The following MRTFB variants were observed in gnomAD, a reference collection of about 807,000 sequenced individuals.
The protein encoded by MRTFB is myocardin related transcription factor B.
Under a neutral mutation model 104.2 loss-of-function variants are expected in MRTFB, and 29 were observed. That is an observed-to-expected ratio of 0.28 (90% CI 0.21 to 0.38). The LOEUF (loss-of-function observed/expected upper bound fraction) is 0.38, where lower values mean the gene tolerates loss of function less well. Ranked by LOEUF, MRTFB falls within the 10% of genes least tolerant of loss-of-function variation. The probability of loss-of-function intolerance (pLI) is 1.00; values close to 1 mark genes in which losing one functional copy is unlikely to be tolerated. For synonymous variants in MRTFB, 535 were observed against 519.5 expected (o/e 1.03, Z -0.41); for missense variants, 1,270 against 1,341.6 (o/e 0.95, Z 0.83).
At chr16:14,053,394 C>T in the MRTFB span, among the ~76,000 whole-genome samples, 1 of 152,044 alleles carries the variant, frequency 6.6e-6, no homozygotes, top group Non-Finnish European at 1.5e-5. Flanking sequence ...ATTGATGTAG[C>T]CGAGGCAACA....
intron 2 of MRTFB, among the ~76,000 whole-genome samples, chr16:14,091,381 T>G (rs1317349591): frequency 6.6e-6 from 1 of 152,112 alleles, no homozygotes; most frequent in Non-Finnish European, 1.5e-5. Flanking sequence ...CCAGCACAAT[T>G]TCAGGGACCT....
At chr16:14,171,426 CAG>C (rs2039419169) in intron 3 of MRTFB, among the ~76,000 whole-genome samples, 1 of 151,424 alleles carries the variant, frequency 6.6e-6, no homozygotes, top group Non-Finnish European at 1.5e-5. Flanking sequence ...ACGTGGGAGA[CAG>C]AGGTTGCAGT....
chr16:14,108,445 C>T (rs1252674803), intron 2 of MRTFB, among the ~76,000 whole-genome samples: 1 of 152,180 alleles, frequency 6.6e-6, no homozygotes, highest in African/African-American at 2.4e-5. Flanking sequence ...ATAGTGGTAA[C>T]ATACTGAATT....
chr16:14,159,887 G>A (rs1462517505), intron 3 of MRTFB, among the ~76,000 whole-genome samples: 5 of 128,036 alleles, frequency 3.9e-5, no homozygotes, highest in South Asian at 2.5e-4. Context: ...CCGAGATCCC[G>A]CCACTGCACT....
chr16:14,243,795 C>G (rs979036710), intron 10 of MRTFB, among the ~76,000 whole-genome samples: 3 of 151,874 alleles, frequency 2.0e-5, no homozygotes, highest in Non-Finnish European at 2.9e-5. Flanking sequence ...ACCCCAAAAG[C>G]CCCCTTTGTC....
At chr16:14,170,585 C>T (rs2039391670) in intron 3 of MRTFB, 1 of 152,086 alleles carries the variant, frequency 6.6e-6, no homozygotes, top group African/African-American at 2.4e-5. Context: ...TAGATCATGC[C>T]TAGAATTTAC....
At chr16:14,056,810 A>C in the MRTFB span, among the ~76,000 whole-genome samples, 1 of 152,138 alleles carries the variant, frequency 6.6e-6, no homozygotes, top group East Asian at 1.9e-4. Context: ...CTGTCCACCT[A>C]TACCTATCTC....
rs182464511 is a variant in MRTFB at position 14,146,734 on chromosome 16, C to G, written c.154+5974C>G. ...TCACTTTGAAAGCATTTCCCTGCTT[C>G]TCATTAACCTGCTAGGCTTACTGTC... On this transcript the variant is annotated intron_variant, in intron 3 of 16. Transcript: ENST00000571589. Among the ~76,000 whole-genome samples, 200 of 152,260 alleles carry G rather than the reference C, an allele frequency of 1.3e-3. 2 individuals are homozygous for G. Among genetic ancestry groups the G allele is most frequent in the African/African-American group, 4.4e-3 (182 of 41,550 alleles).
the MRTFB span, among the ~76,000 whole-genome samples, chr16:13,994,917 G>A: frequency 6.6e-6 from 1 of 152,214 alleles, no homozygotes; most frequent in African/African-American, 2.4e-5. Context: ...TCAAAGGTGA[G>A]CCACTTTTGT....
chr16:14,218,281 G>A (rs2041516777), intron 7 of MRTFB, among the ~76,000 whole-genome samples: 2 of 151,976 alleles, frequency 1.3e-5, no homozygotes, highest in Admixed American at 6.6e-5. Flanking sequence ...GGATGGTCTC[G>A]ATCTCCTGAC....
At chr16:14,224,626 A>T (rs4780556) in intron 8 of MRTFB, among the ~76,000 whole-genome samples, 4,077 of 152,310 alleles carry the variant, frequency 0.027, 68 homozygotes, top group Middle Eastern at 0.085. Context: ...CCTCAATAAG[A>T]CTATCAGTGG....
chr16:14,257,123 T>C (rs1321800521), intron 15 of MRTFB, among the ~76,000 whole-genome samples: 1 of 152,144 alleles, frequency 6.6e-6, no homozygotes, highest in Non-Finnish European at 1.5e-5. Flanking sequence ...CAACTAGAAA[T>C]CTTATACCAT....
Position 14,261,309 on chromosome 16 carries a change from C to G in MRTFB, c.3165C>G (p.Asn1055Lys). 1 of 1,614,188 alleles carries G rather than the reference C, an allele frequency of 6.2e-7. No homozygotes were observed. The highest frequency in any genetic ancestry group is 8.5e-7 in the Non-Finnish European group (1 of 1,180,028). ...PCLSLDLSDS[N>K]LDNMEWLDIT... ...TGTCTCTCGACCTGTCAGACTCAAACTTGGACAACATGGAGTGGTTGGACA... is the reference window on the plus strand; with the variant it reads ...TGTCTCTCGACCTGTCAGACTCAAAGTTGGACAACATGGAGTGGTTGGACA... Residue 1055 changes from asparagine (N) to lysine (K), a missense_variant, in exon 17 of 17, where the codon AAC becomes AAG. Asn to Lys is a moderately conservative substitution (Grantham distance 94). Transcript: ENST00000571589.
At chr16:14,063,736 G>C in the MRTFB span, among the ~76,000 whole-genome samples, 12 of 152,204 alleles carry the variant, frequency 7.9e-5, no homozygotes, top group Non-Finnish European at 1.5e-5. Context: ...GGATGGGCAG[G>C]ATGTAGCAAA....
intron 2 of MRTFB, among the ~76,000 whole-genome samples, chr16:14,082,948 G>A (rs2034497035): frequency 6.6e-6 from 1 of 152,014 alleles, no homozygotes; most frequent in Non-Finnish European, 1.5e-5. Context: ...GTACACTTTG[G>A]GTAGTATGGT....
intron 6 of MRTFB, among the ~76,000 whole-genome samples, chr16:14,215,820 T>C (rs2041395695): frequency 1.3e-5 from 2 of 152,256 alleles, no homozygotes; most frequent in South Asian, 4.1e-4. Context: ...GGGCCTTCTC[T>C]TTGGGTAAGA....
Position 14,217,253 on chromosome 16 carries a change from T to C in MRTFB, c.480T>C (p.Leu160=). Residue 160 remains leucine, a synonymous_variant, in exon 7 of 17, where the codon CTT becomes CTC. Coordinates refer to ENST00000571589, the MANE Select transcript of MRTFB (RefSeq NM_001308142.2). The part of the protein sequence containing the change: ...GPMELVEKNI[L]PVDSSVKEAI... Reference sequence around the variant, plus strand: ...TGGAGCTGGTAGAGAAAAACATCCTTCCTGTGGACTCCAGTGTTAAAGAAG... The same window carrying C: ...TGGAGCTGGTAGAGAAAAACATCCTCCCTGTGGACTCCAGTGTTAAAGAAG... 1 of 1,612,714 alleles carries C rather than the reference T, an allele frequency of 6.2e-7. No individual in the cohort carries two copies. The highest frequency in any genetic ancestry group is 1.1e-5 in the South Asian group (1 of 90,486).
chr16:14,161,437 C>T (rs1184297106), intron 3 of MRTFB, among the ~76,000 whole-genome samples: 1 of 152,062 alleles, frequency 6.6e-6, no homozygotes, highest in Non-Finnish European at 1.5e-5. Context: ...GAAAGAAATT[C>T]ATCTGGATTG....
intron 3 of MRTFB, among the ~76,000 whole-genome samples, chr16:14,155,944 A>T (rs1159605881): frequency 1.3e-5 from 2 of 152,124 alleles, no homozygotes; most frequent in Non-Finnish European, 2.9e-5. Flanking sequence ...TCTTCCCTGA[A>T]ACTTCAGCTG....
Sources: allele counts gnomAD v4.1 joint callset (sites outside exome capture counted in the v4.1 genomes callset), GRCh38; gene constraint gnomAD v4.1.1; transcripts MANE v1.5; gene names NCBI Gene and HGNC (gene_info 2026-07-23, HGNC 2026-07-21).